Variants in MOCS1 observed in about 807,000 individuals in gnomAD.
MOCS1 encodes the protein molybdenum cofactor biosynthesis protein 1.
MOCS1 carries 39 observed loss-of-function variants against 57.6 expected under a neutral mutation model. The observed-to-expected ratio is 0.68, with a 90% CI of 0.52 to 0.88. The LOEUF is 0.88. Ranked by LOEUF, MOCS1 falls within the 40% of genes least tolerant of loss-of-function variation. The pLI is 0.00. For missense variants in MOCS1, 795 were observed against 831.1 expected (o/e 0.96, Z 0.53); for synonymous variants, 334 against 335.7 (o/e 1.00, Z 0.05).
At position 39,913,440 on chromosome 6, in the gene MOCS1, A is replaced by G; in HGVS notation, c.646-12T>C. ...ACCACACAGTTCACCTGGCCGGGGAACAATGGGACCATGAGGGCTGTGCCC... is the reference window on the plus strand; with the variant it reads ...ACCACACAGTTCACCTGGCCGGGGAGCAATGGGACCATGAGGGCTGTGCCC... On this transcript the variant is annotated splice_polypyrimidine_tract_variant and intron_variant, in intron 5 of 10. Coordinates refer to ENST00000340692, the MANE Select transcript of MOCS1 (RefSeq NM_001358530.2). 6.2e-7 allele frequency: 1 copy of G among 1,611,256 alleles called. No homozygotes were observed. The highest frequency in any genetic ancestry group is 8.5e-7 in the Non-Finnish European group (1 of 1,177,378).
At position 39,904,188 on chromosome 6, in the gene MOCS1, T is replaced by C. The variant is rs1186023931; in HGVS notation, c.*2169A>G. The C allele has an allele frequency of 8.8e-6, 4 of 456,588 alleles. No individual in the cohort carries two copies. Among genetic ancestry groups the C allele is most frequent in the Non-Finnish European group, 1.8e-5 (4 of 226,968 alleles). The allele number at this position is 456,588 out of a possible 1,614,324, so 28.3% of individuals were successfully genotyped here. ...GAAGCTGTTCAAGATACATTTGATCTTCAGAAAAGCAGAATTTGGTTCAAC... is the reference window on the plus strand; with the variant it reads ...GAAGCTGTTCAAGATACATTTGATCCTCAGAAAAGCAGAATTTGGTTCAAC... On this transcript the variant is annotated 3_prime_UTR_variant, in exon 11 of 11. Transcript: ENST00000340692.
intron 3 of MOCS1, among the ~76,000 whole-genome samples, chr6:39,923,158 C>G (rs1302975045): frequency 6.6e-6 from 1 of 152,216 alleles, no homozygotes. Context: ...TCCTCAGAAG[C>G]AGGTCACTGC....
intron 1 of MOCS1, among the ~76,000 whole-genome samples, chr6:39,930,773 AGTT>A (rs1768604697): frequency 6.6e-6 from 1 of 152,190 alleles, no homozygotes; most frequent in Non-Finnish European, 1.5e-5. Flanking sequence ...ATCCAGGGCA[AGTT>A]GTTGTGGTTC....
Position 39,904,809 on chromosome 6 carries a change from C to T in MOCS1, c.*1548G>A. On this transcript the variant is annotated 3_prime_UTR_variant, in exon 11 of 11. Coordinates refer to ENST00000340692, the MANE Select transcript of MOCS1 (RefSeq NM_001358530.2). ...TCTACAGTGTCCTTTTTCACTTGCA[C>T]CTTTTTTATAAGAATATATTGTAAT... 2.2e-6 allele frequency: 1 copy of T among 454,056 alleles called. No homozygotes were observed. Among genetic ancestry groups the T allele is most frequent in the South Asian group, 1.6e-5 (1 of 64,458 alleles). 28.1% of individuals were successfully genotyped at this position (454,056 alleles called of 1,614,324 possible).
In MOCS1 at chr6:39,912,373, G is replaced by A. The variant is rs769514340; in HGVS notation, c.872C>T (p.Ala291Val). 6.2e-7 allele frequency: 1 copy of A among 1,610,948 alleles called. No individual in the cohort carries two copies. Among genetic ancestry groups the A allele is most frequent in the Non-Finnish European group, 8.5e-7 (1 of 1,177,154 alleles). Residue 291 changes from alanine (A) to valine (V), a missense_variant and splice_region_variant, in exon 8 of 11, where the codon GCC becomes GTC. By Grantham distance (64) the Ala-to-Val change is moderately conservative. Around this residue, in one of 3 missense-constraint regions of MOCS1, gnomAD observed 416 missense variants for 392.4 expected, o/e 1.06. Transcript: ENST00000340692. ...VPEEESSTAK[A>V]FKIPGFQGQI... is the part of the protein sequence containing the mutation. ...GCCTTGGAAGCCAGGGATTTTAAAG[G>A]CCTGGGCAGGGGAGAGTGGGAGCAA... is the stretch of plus-strand genomic sequence containing the variant.
chr6:39,916,163 A>G lies in MOCS1; in HGVS notation c.488T>C (p.Leu163Pro). 1 of 1,614,066 alleles carries G rather than the reference A, an allele frequency of 6.2e-7. No individual in the cohort carries two copies. The highest frequency in any genetic ancestry group is 1.3e-5 in the African/African-American group (1 of 75,046). Residue 163 changes from leucine to proline, a missense_variant, in exon 4 of 11, where the codon CTA becomes CCA. Leu to Pro is a moderately conservative substitution (Grantham distance 98, BLOSUM62 -3). This residue lies in a region of MOCS1 where 416 missense variants were observed against 392.4 expected (regional missense o/e 1.06). Transcript: ENST00000340692. Reference sequence around the variant, plus strand: ...ACCAGCCTTCTGAAGCTGGGGCAGTAGCCGGGCCAGGTTGATGCCATTGGT... The same window carrying G: ...ACCAGCCTTCTGAAGCTGGGGCAGTGGCCGGGCCAGGTTGATGCCATTGGT... The part of the protein sequence containing the change: ...VTTNGINLAR[L>P]LPQLQKAGLS...
intron 2 of MOCS1, among the ~76,000 whole-genome samples, chr6:39,926,567 C>T (rs1768315874): frequency 6.7e-6 from 1 of 150,200 alleles, no homozygotes; most frequent in Admixed American, 6.7e-5. Context: ...CAGAACCAGT[C>T]CTTTGAGACT....
chr6:39,906,181 A>G lies in MOCS1; in HGVS notation c.*176T>C. ...CTATAGAAAGGAAGCCCCATTGGTC[A>G]TTAGAGATCATCTAGCAGCAGGCCT... On this transcript the variant is annotated 3_prime_UTR_variant, in exon 11 of 11. Transcript: ENST00000340692. 1.2e-6 allele frequency: 1 copy of G among 828,148 alleles called. No homozygotes were observed. Among genetic ancestry groups the G allele is most frequent in the Middle Eastern group, 3.4e-4 (1 of 2,946 alleles). The allele number at this position is 828,148 out of a possible 1,614,324, so 51.3% of individuals were successfully genotyped here.
At chr6:39,925,938 A>G in intron 2 of MOCS1, 93 bp from the exon 3 acceptor site, 1 of 1,399,304 alleles carries the variant, frequency 7.1e-7, no homozygotes, top group Non-Finnish European at 9.7e-7. Context: ...ATCAGGCCAA[A>G]GGCTTCTCAA....
chr6:39,906,338 T>A lies in MOCS1; in HGVS notation c.*19A>T, dbSNP rs1392613064. The A allele has an allele frequency of 1.3e-6, 2 of 1,598,164 alleles. No homozygotes were observed. The highest frequency in any genetic ancestry group is 1.7e-6 in the Non-Finnish European group (2 of 1,169,414). On this transcript the variant is annotated 3_prime_UTR_variant, in exon 11 of 11. Transcript: ENST00000340692. The stretch of plus-strand genomic sequence containing the variant: ...CCCAGCTCCAGGCCTGGGTGGGCCA[T>A]GGGTGAGAAGGGCAGGTGCTAAGCC...
chr6:39,916,500 T>C (rs1767670368), intron 3 of MOCS1, among the ~76,000 whole-genome samples: 1 of 152,136 alleles, frequency 6.6e-6, no homozygotes, highest in African/African-American at 2.4e-5. Flanking sequence ...CAATAACAAT[T>C]ATCTCATTTA....
At chr6:39,913,597 G>C (rs559011625) in intron 5 of MOCS1, 169 bp from the exon 6 acceptor site, 2 of 975,586 alleles carry the variant, frequency 2.1e-6, no homozygotes, top group African/African-American at 1.6e-5. Context: ...TGATTTTCTC[G>C]TTTCTCTCAA....
At chr6:39,925,061 C>CT (rs563289329) in intron 3 of MOCS1, among the ~76,000 whole-genome samples, 178 of 152,294 alleles carry the variant, frequency 1.2e-3, no homozygotes, top group African/African-American at 3.9e-3. Context: ...GCCTAGGTGA[C>CT]AGAGCGAGAC....
In MOCS1 at chr6:39,925,831, G is replaced by C. The variant is rs767448332; in HGVS notation, c.265C>G (p.Pro89Ala). The change falls in exon 3 of 11, where the codon CCC (proline) becomes GCC (alanine). Residue 89 changes from proline to alanine, a missense_variant. Physicochemically the swap from Pro to Ala is conservative, Grantham distance 27. Transcript: ENST00000340692. ...GGGGTCAGCGGGACCCCCTCCTCGG[G>C]CATGCAGTACTGACCTGAGGGAAGG... is the stretch of plus-strand genomic sequence containing the variant. ...KCNLRCQYCM[P>A]EEGVPLTPKA... The C allele has an allele frequency of 6.2e-7, 1 of 1,612,474 alleles. No homozygotes were observed. Among genetic ancestry groups the C allele is most frequent in the Non-Finnish European group, 8.5e-7 (1 of 1,179,808 alleles).
intron 8 of MOCS1, among the ~76,000 whole-genome samples, chr6:39,910,511 C>T (rs1025400857): frequency 3.9e-5 from 6 of 152,192 alleles, no homozygotes; most frequent in Non-Finnish European, 7.3e-5. Flanking sequence ...TCACTCAATG[C>T]TTCTCAGCTT....
At chr6:39,913,095 A>T in intron 6 of MOCS1, 91 bp from the exon 7 acceptor site, 1 of 1,044,418 alleles carries the variant, frequency 9.6e-7, no homozygotes, top group Non-Finnish European at 1.5e-6. Context: ...GCCACAGCAT[A>T]GCAATCAGTT....
At chr6:39,916,778 G>A (rs181692984) in intron 3 of MOCS1, among the ~76,000 whole-genome samples, 73 of 152,310 alleles carry the variant, frequency 4.8e-4, no homozygotes, top group African/African-American at 1.6e-3. Flanking sequence ...AAAGAATGCC[G>A]TAGATAGCCC....
intron 3 of MOCS1, among the ~76,000 whole-genome samples, chr6:39,918,274 A>G (rs1376044084): frequency 1.3e-5 from 2 of 152,230 alleles, no homozygotes; most frequent in African/African-American, 4.8e-5. Flanking sequence ...GCGCTGCAAG[A>G]GAGAGGAAAC....
chr6:39,911,768 A>G (rs1767343954), intron 8 of MOCS1, among the ~76,000 whole-genome samples: 1 of 152,108 alleles, frequency 6.6e-6, no homozygotes, highest in African/African-American at 2.4e-5. Context: ...CGCGTGTGGC[A>G]AGGACTCTCG....
Sources: gnomAD v4.1 joint callset for allele counts (sites outside exome capture counted in the v4.1 genomes callset) on GRCh38, gnomAD v4.1.1 for gene constraint, gnomAD v4.1.1 regional missense constraint, MANE v1.5 for transcripts, NCBI Gene and HGNC (gene_info 2026-07-23, HGNC 2026-07-21) for gene names.